Variants in AVL9 observed in about 807,000 individuals in gnomAD.
AVL9 encodes the protein late secretory pathway protein AVL9 homolog.
In AVL9, 49 loss-of-function variants were observed where a neutral mutation model predicts 79.2. That is an observed-to-expected ratio of 0.62 (90% CI 0.49 to 0.79). The LOEUF is 0.79. Ranked by LOEUF, AVL9 falls within the 30% of genes least tolerant of loss-of-function variation. The probability of loss-of-function intolerance (pLI) is 0.00; values close to 1 mark genes in which losing one functional copy is unlikely to be tolerated. For synonymous variants in AVL9, 299 were observed against 280.6 expected (o/e 1.07, Z -0.65); for missense variants, 682 against 776.8 (o/e 0.88, Z 1.45).
intron 1 of AVL9, chr7:32,535,404 G>A (rs1288388744): frequency 6.6e-6 from 1 of 152,180 alleles, no homozygotes. Flanking sequence ...TCCCCAAACA[G>A]GCTAGTTTTA....
chr7:32,560,997 C>A (rs980914051), intron 10 of AVL9, among the ~76,000 whole-genome samples: 4 of 152,140 alleles, frequency 2.6e-5, no homozygotes, highest in African/African-American at 9.7e-5. Context: ...TCAACAGTGG[C>A]CTTAAATATA....
Position 32,580,235 on chromosome 7 carries a change from C to T in AVL9, c.1705C>T (p.Gln569Ter). 6.2e-7 allele frequency: 1 copy of T among 1,612,030 alleles called. No homozygotes were observed. The change falls in exon 14 of 16, where the codon CAA becomes TAA. Residue 569 changes from glutamine to a stop codon, truncating the protein, a stop_gained. Transcript: ENST00000318709. LOFTEE classifies it high-confidence loss of function. ...EINPNHPFQG[Q>*]YSVSDMKLRF... The stretch of plus-strand genomic sequence containing the variant: ...TTTTTACAGCCATCCATTTCAAGGC[C>T]AATACTCAGTATCAGACATGAAGTT...
chr7:32,559,020 T>C lies in AVL9; in HGVS notation c.771T>C (p.Cys257=). The C allele has an allele frequency of 2.5e-6, 4 of 1,614,124 alleles. No individual in the cohort carries two copies. The highest frequency in any genetic ancestry group is 3.4e-6 in the Non-Finnish European group (4 of 1,179,998). ...EDGGLQESNP[C]ADDFVSASTA... ...GTGGGCTTCAGGAAAGTAACCCATG[T>C]GCAGATGATTTTGTTTCTGCATCCA... Residue 257 remains cysteine, a synonymous_variant, in exon 10 of 16, where the codon TGT becomes TGC. Transcript: ENST00000318709.
At chr7:32,552,146 A>G in intron 5 of AVL9, 83 bp from the exon 6 acceptor site, 1 of 857,810 alleles carries the variant, frequency 1.2e-6, no homozygotes, top group Non-Finnish European at 1.9e-6. Flanking sequence ...CAATTAAGGA[A>G]TCAGCTTTTT....
In AVL9 at chr7:32,587,133, T is replaced by C. The variant is rs1397890753; in HGVS notation, c.*3226T>C. The C allele has an allele frequency of 6.6e-6, 1 of 152,204 alleles. No homozygotes were observed. The highest frequency in any genetic ancestry group is 1.5e-5 in the Non-Finnish European group (1 of 68,040). 9.4% of individuals were successfully genotyped at this position (152,204 alleles called of 1,614,324 possible). On this transcript the variant is annotated 3_prime_UTR_variant, in exon 16 of 16. Coordinates refer to ENST00000318709, the MANE Select transcript of AVL9 (RefSeq NM_015060.3). ...CTTTCCAAATTCTATACTAAGCATC[T>C]GATGTTTTTTAGAATAATTTCCTTT...
intron 13 of AVL9, among the ~76,000 whole-genome samples, chr7:32,578,545 C>T (rs557999533): frequency 9.8e-5 from 15 of 152,310 alleles, no homozygotes; most frequent in African/African-American, 2.9e-4. Flanking sequence ...TGGTGGCTCA[C>T]GCCTGTAATT....
At chr7:32,578,763 C>T (rs149345256) in intron 13 of AVL9, among the ~76,000 whole-genome samples, 2,007 of 152,174 alleles carry the variant, frequency 0.013, 42 homozygotes, top group African/African-American at 0.041. Context: ...GCTGAGATTG[C>T]GCCACTGCAC....
At chr7:32,577,532 G>A (rs1791157369) in intron 13 of AVL9, among the ~76,000 whole-genome samples, 1 of 152,180 alleles carries the variant, frequency 6.6e-6, no homozygotes, top group African/African-American at 2.4e-5. Flanking sequence ...TAGCAGGGTG[G>A]CACTCACAGG....
At chr7:32,497,860 C>T (rs1218706887) in intron 1 of AVL9, among the ~76,000 whole-genome samples, 1 of 152,034 alleles carries the variant, frequency 6.6e-6, no homozygotes, top group Non-Finnish European at 1.5e-5. Context: ...ACAATGTTAG[C>T]CAGGATGGTC....
At chr7:32,569,763 A>C (rs1348934189) in intron 10 of AVL9, among the ~76,000 whole-genome samples, 2 of 152,234 alleles carry the variant, frequency 1.3e-5, no homozygotes, top group Non-Finnish European at 2.9e-5. Flanking sequence ...GTGATCAAGA[A>C]AGACAACCTT....
intron 3 of AVL9, among the ~76,000 whole-genome samples, chr7:32,547,905 C>G (rs940221767): frequency 9.2e-5 from 14 of 152,190 alleles, no homozygotes; most frequent in African/African-American, 3.4e-4. Context: ...AGGAGGAAGT[C>G]TTTCTTACTT....
chr7:32,561,572 A>G (rs1281592572), intron 10 of AVL9, among the ~76,000 whole-genome samples: 1 of 152,262 alleles, frequency 6.6e-6, no homozygotes, highest in Non-Finnish European at 1.5e-5. Context: ...AGACCACTCA[A>G]ACTTTCTGCA....
At chr7:32,499,143 A>G (rs1416963244) in intron 1 of AVL9, among the ~76,000 whole-genome samples, 13 of 152,024 alleles carry the variant, frequency 8.6e-5, no homozygotes. Context: ...AGCCTGGGCG[A>G]CAATGAGTCC....
chr7:32,571,780 G>T (rs2011974), intron 11 of AVL9, among the ~76,000 whole-genome samples: 79,438 of 151,462 alleles, frequency 0.52, 21,874 homozygotes, highest in Admixed American at 0.66. Flanking sequence ...GTTGGTGGGT[G>T]CGTAGGAATT....
chr7:32,562,749 C>A, intron 10 of AVL9: 1 of 267,226 alleles, frequency 3.7e-6, no homozygotes, highest in Non-Finnish European at 5.1e-6. Context: ...AGCAAGACGT[C>A]ATCTCTACAA....
intron 1 of AVL9, among the ~76,000 whole-genome samples, chr7:32,542,844 ATG>A (rs1789277103): frequency 6.6e-6 from 1 of 152,110 alleles, no homozygotes; most frequent in African/African-American, 2.4e-5. Context: ...CATCTGTTTG[ATG>A]ACAGCCCCCA....
chr7:32,513,613 G>C (rs1275695162), intron 1 of AVL9, among the ~76,000 whole-genome samples: 2 of 152,202 alleles, frequency 1.3e-5, no homozygotes, highest in Non-Finnish European at 2.9e-5. Context: ...TGTATTGAAG[G>C]GGGCCTGCCC....
Position 32,573,353 on chromosome 7 carries a change from A to G in AVL9, c.1505A>G (p.Asp502Gly). 6.2e-7 allele frequency: 1 copy of G among 1,613,656 alleles called. No individual in the cohort carries two copies. Among genetic ancestry groups the G allele is most frequent in the Non-Finnish European group, 8.5e-7 (1 of 1,179,998 alleles). Reference sequence around the variant, plus strand: ...GATGGCACGGGCTGGGAGGGAGGTGACGAATGGATCCGGGCCCAGTTTGCG... The same window carrying G: ...GATGGCACGGGCTGGGAGGGAGGTGGCGAATGGATCCGGGCCCAGTTTGCG... ...FLDGTGWEGG[D>G]EWIRAQFAVY... The change falls in exon 12 of 16, where the codon GAC becomes GGC. Residue 502 changes from aspartate (D) to glycine (G), a missense_variant. Coordinates refer to ENST00000318709, the MANE Select transcript of AVL9 (RefSeq NM_015060.3).
chr7:32,543,273 G>A lies in AVL9; in HGVS notation c.214+12G>A, dbSNP rs771555943. 1.2e-6 allele frequency: 2 copies of A among 1,611,408 alleles called. No individual in the cohort carries two copies. The highest frequency in any genetic ancestry group is 3.4e-5 in the Admixed American group (2 of 59,290). On this transcript the variant is annotated intron_variant, in intron 2 of 15. Coordinates refer to ENST00000318709, the MANE Select transcript of AVL9 (RefSeq NM_015060.3). ...CAACTACCAGGAAGGTATGTAACAA[G>A]ACAGTGAAGCAGTTAGGTGCCATTT...
Sources: allele counts gnomAD v4.1 joint callset (sites outside exome capture counted in the v4.1 genomes callset), GRCh38; gene constraint gnomAD v4.1.1; transcripts MANE v1.5; gene names NCBI Gene and HGNC (gene_info 2026-07-23, HGNC 2026-07-21).